MLLT10: variants seen among roughly 807,000 people sequenced by gnomAD.
The protein encoded by MLLT10 is MLLT10 histone lysine methyltransferase DOT1L cofactor.
A neutral mutation model predicts 129.1 loss-of-function variants in MLLT10; 30 were observed. The ratio of observed to expected loss-of-function variants is 0.23; its 90% CI spans 0.17 to 0.32. The LOEUF is 0.32. Among genes scored for constraint, MLLT10 ranks in the 10% least tolerant of loss-of-function variants. The pLI is 1.00. For missense variants in MLLT10, 1,119 were observed against 1,268.3 expected, an observed-to-expected ratio of 0.88 and a Z score of 1.79; for synonymous variants, 490 against 446.4, an observed-to-expected ratio of 1.10 and a Z score of -1.23.
rs983508981 is a variant in MLLT10, at chr10:21,534,476, C to T, written c.-45C>T. 5.4e-5 allele frequency: 34 copies of T among 626,380 alleles called. No homozygotes were observed. In the Admixed American group the frequency reaches 8.5e-4, roughly 16 times the overall value. The allele number at this position is 626,380 out of a possible 1,614,324, so 38.8% of individuals were successfully genotyped here. A position where few individuals can be genotyped will look rare whatever the true frequency, so the allele number is the denominator to read the frequency against. The stretch of plus-strand genomic sequence containing the variant: ...GGGGGGAATCAGCAAGGACATGGCT[C>T]CTGACTCCTGTGCGGAACGTGAGTG... On this transcript the variant is annotated 5_prime_UTR_variant, in exon 1 of 23. Transcript: ENST00000307729.
chr10:21,674,062 A>G, intron 11 of MLLT10, 143 bp downstream of exon 11: 1 of 671,654 alleles, frequency 1.5e-6, no homozygotes, highest in Non-Finnish European at 2.3e-6. Context: ...CAGTTTTTAA[A>G]TTTTCTAATG....
chr10:21,598,915 C>G (rs538638494), intron 5 of MLLT10, among the ~76,000 whole-genome samples: 1 of 152,080 alleles, frequency 6.6e-6, no homozygotes, highest in East Asian at 1.9e-4. Flanking sequence ...CCTGCTGACT[C>G]ACGCCTGTAA....
Position 21,736,157 on chromosome 10 carries a change from CTGTG to C in MLLT10, c.2955+928_2955+931del, listed in dbSNP as rs75446518. Among the ~76,000 whole-genome samples, 969 of 152,126 alleles carry C rather than the reference CTGTG, an allele frequency of 6.4e-3. 7 individuals carry two copies. The highest frequency in any genetic ancestry group is 0.01 in the Non-Finnish European group (688 of 68,000). On this transcript the variant is annotated intron_variant, in intron 21 of 22. Coordinates refer to ENST00000307729, the MANE Select transcript of MLLT10 (RefSeq NM_001195626.3). Reference sequence around the variant, plus strand: ...GTTTTGCTGCTATATGGAGAATAGTCTGTGTGTGTTATAGGGTGTGGGGGAGTGA... The same window carrying C: ...GTTTTGCTGCTATATGGAGAATAGTCTGTGTTATAGGGTGTGGGGGAGTGA...
At chr10:21,647,752 T>G (rs1385053737) in intron 8 of MLLT10, among the ~76,000 whole-genome samples, 3 of 152,114 alleles carry the variant, frequency 2.0e-5, no homozygotes, top group African/African-American at 7.2e-5. Flanking sequence ...ATTTTCTTAT[T>G]TATTAAAAAA....
chr10:21,717,437 TG>T lies in MLLT10; in HGVS notation c.1878+3491del, dbSNP rs142105153. ...GGGAGTCTGATAGCAGCATACATTT[TG>T]GGGAAAAAACCTTTAAAAAACTGTT... On this transcript the variant is annotated intron_variant, in intron 14 of 22. Coordinates refer to ENST00000307729, the MANE Select transcript of MLLT10 (RefSeq NM_001195626.3). 3.0e-3 allele frequency among the ~76,000 whole-genome samples: 454 copies of T among 150,164 alleles called. 3 individuals are homozygous for T. The highest frequency in any genetic ancestry group is 0.011 in the African/African-American group (432 of 40,740).
intron 11 of MLLT10, among the ~76,000 whole-genome samples, chr10:21,675,183 A>T (rs913242433): frequency 2.0e-5 from 3 of 152,256 alleles, no homozygotes; most frequent in Non-Finnish European, 4.4e-5. Context: ...ACCCAAGATC[A>T]CATAGCCAGG....
chr10:21,558,446 C>T (rs945813567), intron 3 of MLLT10, among the ~76,000 whole-genome samples: 6 of 151,818 alleles, frequency 4.0e-5, no homozygotes, highest in African/African-American at 1.5e-4. Context: ...ACAGAGGAGA[C>T]CCTATCTCTA....
intron 10 of MLLT10, 50 bp from the exon 11 acceptor site, chr10:21,673,300 G>GTTT: frequency 1.5e-6 from 1 of 655,068 alleles, no homozygotes; most frequent in Non-Finnish European, 2.2e-6. Flanking sequence ...CAATTTTTCT[G>GTTT]TCCCCCCCAC....
chr10:21,590,212 G>T (rs1198062816), intron 4 of MLLT10, among the ~76,000 whole-genome samples: 1 of 152,124 alleles, frequency 6.6e-6, no homozygotes, highest in Admixed American at 6.6e-5. Context: ...AAGTGTTGGG[G>T]TTACAGGCTT....
In MLLT10 at chr10:21,730,903, C is replaced by G; in HGVS notation, c.2067C>G (p.Ser689=). Residue 689 remains serine, a synonymous_variant, in exon 17 of 23, where the codon TCC becomes TCG. Coordinates refer to ENST00000307729, the MANE Select transcript of MLLT10 (RefSeq NM_001195626.3). ...SSPRGSLSPR[S]PVSSLQIRYD... The stretch of plus-strand genomic sequence containing the variant: ...ACTTGAGAATTGTTTTCAACAGATC[C>G]CCTGTAAGCAGCTTACAGATTCGCT... 6.2e-7 allele frequency: 1 copy of G among 1,614,042 alleles called. No individual in the cohort carries two copies. The highest frequency in any genetic ancestry group is 8.5e-7 in the Non-Finnish European group (1 of 1,179,952).
intron 14 of MLLT10, among the ~76,000 whole-genome samples, chr10:21,717,536 CTCCTCCCTTCTTCTTT>C (rs2056705664): frequency 3.3e-5 from 4 of 122,894 alleles, no homozygotes; most frequent in African/African-American, 1.3e-4. Context: ...CCTCCTCCTC[CTCCTCCCTTCTTCTTT>C]CTTCTTCTTT....
intron 3 of MLLT10, chr10:21,556,860 C>A: frequency 6.4e-7 from 1 of 1,551,368 alleles, no homozygotes; most frequent in Non-Finnish European, 8.7e-7. Context: ...TTTCTAGTTT[C>A]CAGGGATATT....
chr10:21,706,458 G>A (rs2055509982), intron 13 of MLLT10, among the ~76,000 whole-genome samples: 2 of 152,180 alleles, frequency 1.3e-5, no homozygotes, highest in South Asian at 2.1e-4. Flanking sequence ...TTTGCACGAG[G>A]GAGCAGGATT....
chr10:21,534,186 C>T (rs1338930476), upstream of MLLT10: 4 of 390,992 alleles, frequency 1.0e-5, no homozygotes, highest in East Asian at 1.4e-4. Context: ...GCACGCAGGG[C>T]TAGCCTCGCC....
In MLLT10 at chr10:21,581,647, G is replaced by T. The variant is rs77979731; in HGVS notation, c.241-4647G>T. 4.4e-3 allele frequency among the ~76,000 whole-genome samples: 667 copies of T among 152,236 alleles called. 1 individual carries two copies. Among genetic ancestry groups the T allele is most frequent in the South Asian group, 0.016 (79 of 4,808 alleles). On this transcript the variant is annotated intron_variant, in intron 3 of 22. Transcript: ENST00000307729. Reference sequence around the variant, plus strand: ...TCCCCCATCCTGTTCTCATGATAGCGAGTGAATTCTCTTGCGGTCTGATGG... The same window carrying T: ...TCCCCCATCCTGTTCTCATGATAGCTAGTGAATTCTCTTGCGGTCTGATGG...
chr10:21,652,831 C>T (rs1310109886), intron 9 of MLLT10, among the ~76,000 whole-genome samples: 1 of 152,198 alleles, frequency 6.6e-6, no homozygotes, highest in East Asian at 1.9e-4. Flanking sequence ...TGCAATCGTC[C>T]AGAGAGAGAT....
intron 9 of MLLT10, chr10:21,668,935 G>A: frequency 7.6e-7 from 1 of 1,308,166 alleles, no homozygotes; most frequent in Non-Finnish European, 9.9e-7. Flanking sequence ...AGGATCAGAT[G>A]TGAGAGGAAT....
At chr10:21,688,673 A>T in intron 13 of MLLT10, 1 of 626,534 alleles carries the variant, frequency 1.6e-6, no homozygotes, top group Non-Finnish European at 2.6e-6. Context: ...GAAAGGAATT[A>T]TCTATAACCT....
chr10:21,717,253 CAAAAAAAAAAAAAAA>C (rs747244556), intron 14 of MLLT10, among the ~76,000 whole-genome samples: 1 of 63,558 alleles, frequency 1.6e-5, no homozygotes, highest in Non-Finnish European at 2.8e-5. Context: ...AACTCCGTCT[CAAAAAAAAAAAAAAA>C]AAAAAAAAAT....
Sources: gnomAD v4.1 joint callset for allele counts (sites outside exome capture counted in the v4.1 genomes callset) on GRCh38, gnomAD v4.1.1 for gene constraint, MANE v1.5 for transcripts, NCBI Gene and HGNC (gene_info 2026-07-23, HGNC 2026-07-21) for gene names.